Variants in SLC44A1 observed in about 807,000 individuals in gnomAD.
The protein encoded by SLC44A1 is choline transporter-like protein 1.
In SLC44A1, 26 loss-of-function variants were observed where a neutral mutation model predicts 79.3. That is an observed-to-expected ratio of 0.33 (90% CI 0.24 to 0.46). SLC44A1 has a LOEUF of 0.46. Ranked by LOEUF, SLC44A1 falls within the 20% of genes least tolerant of loss-of-function variation. SLC44A1 has a pLI of 1.00. For missense variants in SLC44A1, 688 were observed against 798.1 expected (o/e 0.86, Z 1.66); for synonymous variants, 263 against 286.2 (o/e 0.92, Z 0.82).
intron 15 of SLC44A1, among the ~76,000 whole-genome samples, chr9:105,413,675 C>T (rs760747086): frequency 1.3e-5 from 2 of 152,206 alleles, no homozygotes; most frequent in African/African-American, 2.4e-5. Context: ...CTGTTAAATG[C>T]AGCTGAGATG....
intron 3 of SLC44A1, among the ~76,000 whole-genome samples, chr9:105,313,013 G>T (rs535034848): frequency 6.6e-6 from 1 of 152,104 alleles, no homozygotes; most frequent in Non-Finnish European, 1.5e-5. Context: ...ATGTGGACCC[G>T]TTTCACCTAT....
At chr9:105,316,448 G>T (rs1051664447) in intron 3 of SLC44A1, among the ~76,000 whole-genome samples, 1 of 152,116 alleles carries the variant, frequency 6.6e-6, no homozygotes, top group East Asian at 1.9e-4. Context: ...AAATATACAT[G>T]TACATAGAAA....
At chr9:105,254,437 G>A (rs1829657797) in intron 1 of SLC44A1, among the ~76,000 whole-genome samples, 1 of 152,196 alleles carries the variant, frequency 6.6e-6, no homozygotes, top group Non-Finnish European at 1.5e-5. Flanking sequence ...CAAGTGAGGG[G>A]CAGGGCAACA....
chr9:105,295,348 G>A (rs1480296938), intron 1 of SLC44A1, among the ~76,000 whole-genome samples: 1 of 152,154 alleles, frequency 6.6e-6, no homozygotes, highest in African/African-American at 2.4e-5. Context: ...CCTGTGAAGG[G>A]GAGAGACCTA....
chr9:105,306,324 A>T (rs1297957101), intron 2 of SLC44A1, among the ~76,000 whole-genome samples: 1 of 152,038 alleles, frequency 6.6e-6, no homozygotes, highest in African/African-American at 2.4e-5. Flanking sequence ...TATGGAGTGT[A>T]TTCTGTAAAG....
At chr9:105,266,510 T>G (rs1463954198) in intron 1 of SLC44A1, among the ~76,000 whole-genome samples, 1 of 152,202 alleles carries the variant, frequency 6.6e-6, no homozygotes, top group Non-Finnish European at 1.5e-5. Context: ...GTTGAGTTGG[T>G]TTTTTGTGTG....
intron 4 of SLC44A1, among the ~76,000 whole-genome samples, chr9:105,336,702 C>A (rs930626165): frequency 2.0e-5 from 3 of 152,164 alleles, no homozygotes; most frequent in Non-Finnish European, 2.9e-5. Flanking sequence ...TAGCTCTACA[C>A]ACACTAGCAT....
At chr9:105,266,147 A>G (rs751996222) in intron 1 of SLC44A1, among the ~76,000 whole-genome samples, 1 of 151,938 alleles carries the variant, frequency 6.6e-6, no homozygotes, top group Non-Finnish European at 1.5e-5. Context: ...TTTTATTTTT[A>G]TGTAGAGACG....
rs1312849377 is a variant in SLC44A1 at position 105,361,233 on chromosome 9, G to A, written c.803G>A (p.Arg268Lys). ...TGGTGGCTGTATGCAAAGCAAAGAA[G>A]GTCTCCCAAAGAAACTGTTACTCCT... ...VLWWLYAKQR[R>K]SPKETVTPEQ... The change falls in exon 8 of 16, where the codon AGG becomes AAG. Residue 268 changes from arginine (R) to lysine (K), a missense_variant. Transcript: ENST00000374720. 29 of 1,613,934 alleles carry A rather than the reference G, an allele frequency of 1.8e-5. No homozygotes were observed. Among genetic ancestry groups the A allele is most frequent in the Non-Finnish European group, 2.3e-5 (27 of 1,179,952 alleles).
chr9:105,361,064 A>T, intron 7 of SLC44A1, 127 bp from the exon 8 acceptor site: 1 of 919,344 alleles, frequency 1.1e-6, no homozygotes, highest in Non-Finnish European at 1.8e-6. Flanking sequence ...TGTACTTCCC[A>T]GCCAAATGGA....
chr9:105,420,222 G>T (rs1829227850), intron 15 of SLC44A1, among the ~76,000 whole-genome samples: 1 of 152,152 alleles, frequency 6.6e-6, no homozygotes, highest in Non-Finnish European at 1.5e-5. Flanking sequence ...CAAGGTTTTG[G>T]CAGGAACAGA....
chr9:105,412,128 C>A (rs1829102718), intron 15 of SLC44A1, among the ~76,000 whole-genome samples: 1 of 151,932 alleles, frequency 6.6e-6, no homozygotes, highest in Non-Finnish European at 1.5e-5. Flanking sequence ...CTCTTCTCAC[C>A]CACTTAGTTT....
At chr9:105,273,765 A>G (rs1434271732) in intron 1 of SLC44A1, among the ~76,000 whole-genome samples, 1 of 152,036 alleles carries the variant, frequency 6.6e-6, no homozygotes, top group African/African-American at 2.4e-5. Flanking sequence ...GCAGTTTTGT[A>G]TTGCTCTAAA....
intron 15 of SLC44A1, among the ~76,000 whole-genome samples, chr9:105,410,258 T>A (rs921062468): frequency 6.6e-6 from 1 of 152,144 alleles, no homozygotes; most frequent in African/African-American, 2.4e-5. Context: ...GGAAAATTTT[T>A]GCCTCAAGGG....
Position 105,393,009 on chromosome 9 carries a change from G to T in SLC44A1, c.*3953G>T. Reference sequence around the variant, plus strand: ...ACTCTCAGAGTCTGGAGGCTTATCAGTGCACCTGCCACAGTTAATTTCTGT... The same window carrying T: ...ACTCTCAGAGTCTGGAGGCTTATCATTGCACCTGCCACAGTTAATTTCTGT... On this transcript the variant is annotated 3_prime_UTR_variant, in exon 16 of 16. Coordinates refer to ENST00000374720, the MANE Select transcript of SLC44A1 (RefSeq NM_080546.5). 1 of 984,914 alleles carries T rather than the reference G, an allele frequency of 1.0e-6. No individual in the cohort carries two copies. The highest frequency in any genetic ancestry group is 1.2e-6 in the Non-Finnish European group (1 of 829,582). 61.0% of individuals were successfully genotyped at this position (984,914 alleles called of 1,614,324 possible). A position where few individuals can be genotyped will look rare whatever the true frequency, so the allele number is the denominator to read the frequency against.
At chr9:105,362,079 T>C (rs934239451) in intron 8 of SLC44A1, among the ~76,000 whole-genome samples, 1 of 152,066 alleles carries the variant, frequency 6.6e-6, no homozygotes, top group South Asian at 2.1e-4. Context: ...CGCGCGTGTG[T>C]GTGTGTGTGT....
At chr9:105,349,017 T>C (rs1012602720) in intron 5 of SLC44A1, among the ~76,000 whole-genome samples, 1 of 152,130 alleles carries the variant, frequency 6.6e-6, no homozygotes, top group Non-Finnish European at 1.5e-5. Context: ...GATACAAAGA[T>C]GAAACAAGAA....
chr9:105,340,465 T>G (rs931152136), intron 4 of SLC44A1, among the ~76,000 whole-genome samples: 2 of 152,206 alleles, frequency 1.3e-5, no homozygotes, highest in African/African-American at 4.8e-5. Context: ...GTGGTGATTC[T>G]TGCACAACAG....
intron 5 of SLC44A1, among the ~76,000 whole-genome samples, chr9:105,350,404 G>A (rs1163839240): frequency 1.4e-5 from 2 of 146,786 alleles, no homozygotes; most frequent in Admixed American, 1.3e-4. Context: ...CGTTGTATTA[G>A]ATACCAAGTC....
Sources: gnomAD v4.1 joint callset for allele counts (sites outside exome capture counted in the v4.1 genomes callset) on GRCh38, gnomAD v4.1.1 for gene constraint, MANE v1.5 for transcripts, NCBI Gene and HGNC (gene_info 2026-07-23, HGNC 2026-07-21) for gene names.